DDX18: variants seen among roughly 807,000 people sequenced by gnomAD.
DDX18 encodes the protein ATP-dependent RNA helicase DDX18.
In DDX18, 23 loss-of-function variants were observed where a neutral mutation model predicts 73.5. The observed-to-expected ratio is 0.31, with a 90% CI of 0.23 to 0.44. The LOEUF (loss-of-function observed/expected upper bound fraction) is 0.44. Among genes scored for constraint, DDX18 ranks in the 20% least tolerant of loss-of-function variants. DDX18 has a pLI of 1.00. For synonymous variants in DDX18, 268 were observed against 282.7 expected (o/e 0.95, Z 0.52); for missense variants, 753 against 792.9 (o/e 0.95, Z 0.60).
At chr2:117,818,086 G>T (rs1442179866) in intron 2 of DDX18, among the ~76,000 whole-genome samples, 1 of 151,954 alleles carries the variant, frequency 6.6e-6, no homozygotes, top group East Asian at 1.9e-4. Context: ...AGGAATATTA[G>T]TTACAAAGTA....
At position 117,823,302 on chromosome 2, in the gene DDX18, A is replaced by G. The variant is rs1168002940; in HGVS notation, c.1066+1041A>G. 2.6e-5 allele frequency among the ~76,000 whole-genome samples: 4 copies of G among 152,302 alleles called. No individual in the cohort carries two copies. The South Asian group carries it at 8.3e-4, about 32-fold the overall frequency. Reference sequence around the variant, plus strand: ...AGTATTGAGTCATGTAACCCATAATAAGGTATATCTCCATGTATTCGATAT... The same window carrying G: ...AGTATTGAGTCATGTAACCCATAATGAGGTATATCTCCATGTATTCGATAT... On this transcript the variant is annotated intron_variant, in intron 7 of 13. Coordinates refer to ENST00000263239, the MANE Select transcript of DDX18 (RefSeq NM_006773.4).
intron 4 of DDX18, among the ~76,000 whole-genome samples, 173 bp downstream of exon 4, chr2:117,821,469 G>C (rs1679846032): frequency 6.6e-6 from 1 of 152,208 alleles, no homozygotes; most frequent in Admixed American, 6.5e-5. Context: ...TTCGAAAGGT[G>C]TTCTGCTTCT....
At chr2:117,826,206 G>A (rs994824946) in intron 10 of DDX18, 63 bp from the exon 11 acceptor site, 11 of 1,391,786 alleles carry the variant, frequency 7.9e-6, no homozygotes, top group Non-Finnish European at 1.1e-5. Flanking sequence ...TCAGGATGCA[G>A]ATACGCAAAT....
In DDX18 at chr2:117,825,078, G is replaced by A. The variant is rs1381433575; in HGVS notation, c.1345G>A (p.Asp449Asn). The A allele has an allele frequency of 1.9e-6, 3 of 1,611,774 alleles. No homozygotes were observed. Among genetic ancestry groups the A allele is most frequent in the Non-Finnish European group, 2.5e-6 (3 of 1,179,474 alleles). The part of the protein sequence containing the change: ...KYHYELLNYI[D>N]LPVLAIHGKQ... ...CCACTATGAGTTGCTGAACTACATT[G>A]ATTTGCCCGTCTTGGCCATTCATGT... The change falls in exon 9 of 14, where the codon GAT (aspartate) becomes AAT (asparagine). Residue 449 changes from aspartate to asparagine, a missense_variant. Around this residue, in one of 3 missense-constraint regions of DDX18, gnomAD observed 402 missense variants for 419.4 expected, o/e 0.96. Coordinates refer to ENST00000263239, the MANE Select transcript of DDX18 (RefSeq NM_006773.4).
intron 7 of DDX18, among the ~76,000 whole-genome samples, chr2:117,823,088 C>T (rs955837361): frequency 4.6e-5 from 7 of 152,186 alleles, no homozygotes; most frequent in African/African-American, 9.7e-5. Flanking sequence ...AGTTCCAGTT[C>T]CTCCTATTAA....
intron 1 of DDX18, among the ~76,000 whole-genome samples, chr2:117,816,803 A>T (rs1232457141): frequency 6.6e-6 from 1 of 152,264 alleles, no homozygotes; most frequent in African/African-American, 2.4e-5. Context: ...AATATGTTGC[A>T]CTACGACATT....
chr2:117,826,745 CT>C (rs1191289418), intron 11 of DDX18: 1 of 227,364 alleles, frequency 4.4e-6, no homozygotes, highest in East Asian at 1.0e-4. Flanking sequence ...GTGGGGAATC[CT>C]TGTTCGCTCT....
rs1209342589 is a variant in DDX18 at position 117,830,624 on chromosome 2, G to C, written c.1913G>C (p.Gly638Ala). ...NEGKQKKRGG[G>A]GGFGYQKTKK... ...GGCAAGCAGAAAAAGCGAGGAGGTG[G>C]TGGTGGATTTGGCTACCAGAAAACC... The change falls in exon 14 of 14, where the codon GGT becomes GCT. Residue 638 changes from glycine (G) to alanine (A), a missense_variant. Coordinates refer to ENST00000263239, the MANE Select transcript of DDX18 (RefSeq NM_006773.4). The C allele has an allele frequency of 1.2e-6, 2 of 1,613,738 alleles. No individual in the cohort carries two copies. The highest frequency in any genetic ancestry group is 3.3e-5 in the Admixed American group (2 of 59,988).
intron 13 of DDX18, 151 bp downstream of exon 13, chr2:117,829,617 G>T (rs1476298577): frequency 1.3e-6 from 1 of 777,742 alleles, no homozygotes; most frequent in East Asian, 2.6e-5. Context: ...TTCTGTGCTA[G>T]CACAGGACAT....
chr2:117,822,058 G>T lies in DDX18; in HGVS notation c.948G>T (p.Met316Ile). ...CACCAGGCCGTCTGCTGGACCATATGCAGGTAAGAGATGTAGTGCTTGTCT... is the reference window on the plus strand; with the variant it reads ...CACCAGGCCGTCTGCTGGACCATATTCAGGTAAGAGATGTAGTGCTTGTCT... ...VATPGRLLDHMQNTPGFMYKN... is the reference protein window; with the variant it reads ...VATPGRLLDHIQNTPGFMYKN... The change falls in exon 6 of 14, where the codon ATG becomes ATT. Residue 316 changes from methionine (M) to isoleucine (I), a missense_variant. Met to Ile is a conservative substitution (Grantham distance 10). Transcript: ENST00000263239. 6.2e-7 allele frequency: 1 copy of T among 1,614,042 alleles called. No individual in the cohort carries two copies. The highest frequency in any genetic ancestry group is 1.1e-5 in the South Asian group (1 of 91,082).
intron 10 of DDX18, 110 bp from the exon 11 acceptor site, chr2:117,826,159 G>C (rs573338240): frequency 2.6e-6 from 2 of 780,574 alleles, no homozygotes; most frequent in Non-Finnish European, 4.0e-6. Flanking sequence ...GCCCAGCACC[G>C]TGGGACTACA....
intron 13 of DDX18, 61 bp downstream of exon 13, chr2:117,829,527 A>C: frequency 1.3e-6 from 2 of 1,505,396 alleles, no homozygotes; most frequent in African/African-American, 1.4e-5. Flanking sequence ...ACAGAGGGGC[A>C]TTTGGGGCTT....
intron 1 of DDX18, among the ~76,000 whole-genome samples, chr2:117,817,237 T>C (rs1679774241): frequency 6.6e-6 from 1 of 152,224 alleles, no homozygotes; most frequent in Non-Finnish European, 1.5e-5. Context: ...AATATAGCTT[T>C]CCCTTTTCCA....
At chr2:117,829,898 C>A (rs947202349) in intron 13 of DDX18, among the ~76,000 whole-genome samples, 42 of 152,128 alleles carry the variant, frequency 2.8e-4, no homozygotes, top group African/African-American at 1.0e-3. Context: ...CTTAGAACCC[C>A]TGAAGGATTT....
At chr2:117,829,231 G>A (rs1679981141) in intron 12 of DDX18, 58 bp from the exon 13 acceptor site, 2 of 1,515,470 alleles carry the variant, frequency 1.3e-6, no homozygotes, top group Admixed American at 2.2e-5. Context: ...AAAATCTGGT[G>A]TTTTGGAGGT....
At chr2:117,825,669 T>G in intron 10 of DDX18, 70 bp downstream of exon 10, 1 of 1,537,882 alleles carries the variant, frequency 6.5e-7, no homozygotes, top group South Asian at 1.2e-5. Flanking sequence ...CCCAGTTCCC[T>G]GACGGAAACT....
In DDX18 at chr2:117,816,141, C is replaced by T. The variant is rs432455; in HGVS notation, c.85+1279C>T. ...ATGGAGTTTGCAGGACTGGAAGTTA[C>T]CCTGAGCGAGTCAGTGAGCGGTGAG... On this transcript the variant is annotated intron_variant, in intron 1 of 13. Coordinates refer to ENST00000263239, the MANE Select transcript of DDX18 (RefSeq NM_006773.4). Among the ~76,000 whole-genome samples the T allele has an allele frequency of 3.8e-3, 573 of 152,278 alleles. 5 individuals carry two copies. Among genetic ancestry groups the T allele is most frequent in the African/African-American group, 0.013 (526 of 41,566 alleles).
chr2:117,826,977 C>T (rs955251719), intron 11 of DDX18: 2 of 153,906 alleles, frequency 1.3e-5, no homozygotes, highest in African/African-American at 4.8e-5. Flanking sequence ...CCATTTACCT[C>T]CCTCTCAGTC....
At chr2:117,821,793 G>T (rs950699328) in intron 5 of DDX18, 43 bp downstream of exon 5, 3 of 1,613,424 alleles carry the variant, frequency 1.9e-6, no homozygotes, top group South Asian at 1.1e-5. Flanking sequence ...TTCACTAGAG[G>T]TTTATTGTAG....
Sources: gnomAD v4.1 joint callset for allele counts (sites outside exome capture counted in the v4.1 genomes callset) on GRCh38, gnomAD v4.1.1 for gene constraint, gnomAD v4.1.1 regional missense constraint, MANE v1.5 for transcripts, NCBI Gene and HGNC (gene_info 2026-07-23, HGNC 2026-07-21) for gene names.